The following MMP16 variants were observed in gnomAD, a reference collection of about 807,000 sequenced individuals.
MMP16 encodes the protein matrix metallopeptidase 16, also known as matrix metalloproteinase-16.
A neutral mutation model predicts 67.8 loss-of-function variants in MMP16; 12 were observed. The ratio of observed to expected loss-of-function variants is 0.18; its 90% CI spans 0.11 to 0.29. The LOEUF (loss-of-function observed/expected upper bound fraction) is 0.29. Ranked by LOEUF, MMP16 falls within the 10% of genes least tolerant of loss-of-function variation. MMP16 has a pLI of 1.00. For missense variants in MMP16, 475 were observed against 765.7 expected, an observed-to-expected ratio of 0.62 and a Z score of 4.48; for synonymous variants, 249 against 255.9, an observed-to-expected ratio of 0.97 and a Z score of 0.26.
At chr8:88,193,914 G>A (rs1381085856) in intron 2 of MMP16, among the ~76,000 whole-genome samples, 1 of 151,350 alleles carries the variant, frequency 6.6e-6, no homozygotes, top group Non-Finnish European at 1.5e-5. Context: ...TATATTTTAT[G>A]TATAATACAG....
At chr8:88,064,558 T>C (rs1424873669) in intron 7 of MMP16, among the ~76,000 whole-genome samples, 1 of 152,012 alleles carries the variant, frequency 6.6e-6, no homozygotes, top group Non-Finnish European at 1.5e-5. Context: ...TCGCTTGGAA[T>C]TCGGGAAATA....
chr8:88,216,154 T>C (rs1200163486), intron 1 of MMP16, among the ~76,000 whole-genome samples: 1 of 152,170 alleles, frequency 6.6e-6, no homozygotes, highest in Non-Finnish European at 1.5e-5. Context: ...AAGAGTAAGC[T>C]TTTAGAAACT....
chr8:88,044,947 G>A lies in MMP16; in HGVS notation c.1489+1722C>T, dbSNP rs79984231. On this transcript the variant is annotated intron_variant, in intron 9 of 9. Coordinates refer to ENST00000286614, the MANE Select transcript of MMP16 (RefSeq NM_005941.5). ...TTAATCTGATTTTACTGCCTCCAAT[G>A]TGACTTTATCATGACTTCCTTTACT... Among the ~76,000 whole-genome samples the A allele has an allele frequency of 3.9e-3, 594 of 152,266 alleles. 4 individuals are homozygous for A. The highest frequency in any genetic ancestry group is 0.014 in the African/African-American group (564 of 41,556).
chr8:88,246,730 G>A (rs949919103), intron 1 of MMP16, among the ~76,000 whole-genome samples: 4 of 151,978 alleles, frequency 2.6e-5, no homozygotes, highest in Non-Finnish European at 5.9e-5. Flanking sequence ...GCCTATTGTT[G>A]TTTAAGGAAA....
In MMP16 at chr8:88,034,977, T is replaced by C. The variant is rs1034068429; in HGVS notation, c.*6484A>G. On this transcript the variant is annotated 3_prime_UTR_variant, in exon 10 of 10. Coordinates refer to ENST00000286614, the MANE Select transcript of MMP16 (RefSeq NM_005941.5). ...GTATAAAAAGGCCTGTGTCAAAAAG[T>C]ATTCTGCCTGGGATCCAGTTTACCC... 3.9e-5 allele frequency: 6 copies of C among 152,024 alleles called. No individual in the cohort carries two copies. The highest frequency in any genetic ancestry group is 1.4e-4 in the African/African-American group (6 of 41,422). The allele number at this position is 152,024 out of a possible 1,614,324, so 9.4% of individuals were successfully genotyped here.
intron 3 of MMP16, among the ~76,000 whole-genome samples, chr8:88,184,578 A>G (rs1809037483): frequency 7.1e-6 from 1 of 141,158 alleles, no homozygotes; most frequent in Non-Finnish European, 1.5e-5. Context: ...AAAAAAAAAA[A>G]AAAAAAAAAA....
intron 6 of MMP16, among the ~76,000 whole-genome samples, chr8:88,082,643 T>C (rs905976942): frequency 6.6e-5 from 10 of 152,130 alleles, no homozygotes; most frequent in Non-Finnish European, 1.0e-4. Context: ...AATATAGATA[T>C]TGCTTATGTT....
chr8:88,102,297 C>T (rs996545184), intron 6 of MMP16, among the ~76,000 whole-genome samples: 5 of 151,824 alleles, frequency 3.3e-5, no homozygotes, highest in South Asian at 2.1e-4. Flanking sequence ...CTCAACTATC[C>T]GATCCCCTTT....
At chr8:88,083,947 C>A (rs1027505332) in intron 6 of MMP16, among the ~76,000 whole-genome samples, 2 of 151,990 alleles carry the variant, frequency 1.3e-5, no homozygotes, top group African/African-American at 4.8e-5. Flanking sequence ...GATTCACATG[C>A]AATTATAAGA....
At chr8:88,130,326 T>C (rs1334278414) in intron 4 of MMP16, among the ~76,000 whole-genome samples, 1 of 151,772 alleles carries the variant, frequency 6.6e-6, no homozygotes, top group Non-Finnish European at 1.5e-5. Flanking sequence ...TGGCCTAGTA[T>C]TCACACAGCA....
At chr8:88,256,419 T>C (rs888551394) in intron 1 of MMP16, among the ~76,000 whole-genome samples, 1 of 152,122 alleles carries the variant, frequency 6.6e-6, no homozygotes, top group African/African-American at 2.4e-5. Flanking sequence ...GATCCAAATA[T>C]GTGGTTATGT....
At chr8:88,209,285 T>TA (rs1809477162) in intron 1 of MMP16, among the ~76,000 whole-genome samples, 1 of 152,116 alleles carries the variant, frequency 6.6e-6, no homozygotes, top group Non-Finnish European at 1.5e-5. Flanking sequence ...CTCCTCCACA[T>TA]ACTCAAAGTG....
At chr8:88,153,868 G>A (rs1808456536) in intron 4 of MMP16, among the ~76,000 whole-genome samples, 1 of 151,840 alleles carries the variant, frequency 6.6e-6, no homozygotes. Flanking sequence ...TGACAAATGG[G>A]ATCTAATTAA....
intron 6 of MMP16, among the ~76,000 whole-genome samples, chr8:88,086,410 A>T (rs1808835112): frequency 6.6e-6 from 1 of 151,898 alleles, no homozygotes; most frequent in South Asian, 2.1e-4. Context: ...AACATGTAAA[A>T]GGTTTTCTTC....
chr8:88,084,495 A>G (rs944543223), intron 6 of MMP16, among the ~76,000 whole-genome samples: 1 of 152,006 alleles, frequency 6.6e-6, no homozygotes, highest in African/African-American at 2.4e-5. Flanking sequence ...GCTGGAAAAA[A>G]AAGAGCCCAA....
At chr8:88,243,641 T>A (rs1810065602) in intron 1 of MMP16, among the ~76,000 whole-genome samples, 1 of 152,176 alleles carries the variant, frequency 6.6e-6, no homozygotes, top group African/African-American at 2.4e-5. Flanking sequence ...TGGCATTGCA[T>A]TAAATACTTG....
intron 1 of MMP16, among the ~76,000 whole-genome samples, chr8:88,248,386 G>C (rs1360991724): frequency 6.6e-6 from 1 of 152,088 alleles, no homozygotes; most frequent in Non-Finnish European, 1.5e-5. Context: ...AGGGTAAAGA[G>C]TGAATTTGTG....
chr8:88,279,993 C>T (rs1463608605), intron 1 of MMP16, among the ~76,000 whole-genome samples: 1 of 152,090 alleles, frequency 6.6e-6, no homozygotes, highest in African/African-American at 2.4e-5. Flanking sequence ...GGCAGATGAA[C>T]CCCAGTGGTT....
intron 6 of MMP16, among the ~76,000 whole-genome samples, chr8:88,115,029 C>A (rs1809404818): frequency 6.6e-6 from 1 of 151,884 alleles, no homozygotes; most frequent in South Asian, 2.1e-4. Flanking sequence ...ATGAAGACAC[C>A]AGGCTCCTCT....
Sources: gnomAD v4.1 joint callset for allele counts (sites outside exome capture counted in the v4.1 genomes callset) on GRCh38, gnomAD v4.1.1 for gene constraint, MANE v1.5 for transcripts, NCBI Gene and HGNC (gene_info 2026-07-23, HGNC 2026-07-21) for gene names.